WSCD1: variants seen among roughly 807,000 people sequenced by gnomAD.
WSCD1 encodes the protein sialate:O-sulfotransferase 1.
Under a neutral mutation model 60.4 loss-of-function variants are expected in WSCD1, and 41 were observed. That is an observed-to-expected ratio of 0.68 (90% CI 0.53 to 0.88). The LOEUF (loss-of-function observed/expected upper bound fraction) is 0.88, where lower values mean the gene tolerates loss of function less well. Ranked by LOEUF, WSCD1 falls within the 40% of genes least tolerant of loss-of-function variation. The pLI is 0.00. For synonymous variants in WSCD1, 361 were observed against 332.5 expected (o/e 1.09, Z -0.93); for missense variants, 784 against 796.2 (o/e 0.98, Z 0.18).
intron 4 of WSCD1, among the ~76,000 whole-genome samples, chr17:6,092,449 G>A (rs1447789499): frequency 1.3e-5 from 2 of 152,232 alleles, no homozygotes; most frequent in Middle Eastern, 3.4e-3. Flanking sequence ...CGGAGAAACT[G>A]ACCACACATC....
chr17:6,098,452 G>T (rs1463621529), intron 5 of WSCD1, among the ~76,000 whole-genome samples: 1 of 152,200 alleles, frequency 6.6e-6, no homozygotes, highest in Non-Finnish European at 1.5e-5. Context: ...TCACACATTA[G>T]CACCTTGTCC....
chr17:6,098,413 T>C (rs1251520925), intron 5 of WSCD1, among the ~76,000 whole-genome samples: 1 of 152,270 alleles, frequency 6.6e-6, no homozygotes, highest in Non-Finnish European at 1.5e-5. Context: ...TGCCAGAAGA[T>C]ACACGCAGGC....
At chr17:6,097,108 G>T (rs552339157) in intron 5 of WSCD1, among the ~76,000 whole-genome samples, 1 of 152,348 alleles carries the variant, frequency 6.6e-6, no homozygotes, top group East Asian at 1.9e-4. Context: ...CCACACACTG[G>T]CACAGAGCGG....
chr17:6,111,322 TC>T (rs1371213707), intron 7 of WSCD1, among the ~76,000 whole-genome samples: 2 of 152,086 alleles, frequency 1.3e-5, no homozygotes, highest in Non-Finnish European at 2.9e-5. Flanking sequence ...AAAAGTCTTT[TC>T]CTATGAAAGC....
chr17:6,102,694 T>G (rs1413273047), intron 5 of WSCD1, among the ~76,000 whole-genome samples: 3 of 152,242 alleles, frequency 2.0e-5, no homozygotes, highest in Non-Finnish European at 4.4e-5. Context: ...AAACATTGAC[T>G]CATTCCTTCT....
rs112117943 is a variant in WSCD1 at position 6,090,798 on chromosome 17, C to T, written c.727+293C>T. On this transcript the variant is annotated intron_variant, in intron 4 of 8. Transcript: ENST00000317744. ...TGCCTCAGACATGCTGTGTGGCCTCCGGCAGCTCACTGCCCCTCTCTGAGC... is the reference window on the plus strand; with the variant it reads ...TGCCTCAGACATGCTGTGTGGCCTCTGGCAGCTCACTGCCCCTCTCTGAGC... Among the ~76,000 whole-genome samples the T allele has an allele frequency of 3.4e-3, 519 of 152,214 alleles. 5 individuals carry two copies. The highest frequency in any genetic ancestry group is 0.011 in the African/African-American group (461 of 41,528).
At chr17:6,100,033 G>A (rs888889608) in intron 5 of WSCD1, among the ~76,000 whole-genome samples, 2 of 152,196 alleles carry the variant, frequency 1.3e-5, no homozygotes, top group African/African-American at 2.4e-5. Flanking sequence ...CAGTGGGTGG[G>A]AGGGGCTGGT....
upstream of WSCD1, chr17:6,069,415 GTGTGTGTGTGTGTGAGAGAGA>G (rs1230617997): frequency 1.5e-5 from 5 of 326,846 alleles, no homozygotes; most frequent in African/African-American, 1.6e-4. Flanking sequence ...GTGTGTGTGT[GTGTGTGTGTGTGTGAGAGAGA>G]GAGAGAGAGA....
chr17:6,117,915 ATCTG>A (rs1904390719), intron 7 of WSCD1, 69 bp from the exon 8 acceptor site: 16 of 1,510,204 alleles, frequency 1.1e-5, no homozygotes, highest in Non-Finnish European at 1.4e-5. Flanking sequence ...GCTTTACCCA[ATCTG>A]TCTGCTGCTA....
At chr17:6,097,466 C>T (rs749513134) in intron 5 of WSCD1, among the ~76,000 whole-genome samples, 2 of 152,240 alleles carry the variant, frequency 1.3e-5, no homozygotes, top group Admixed American at 6.5e-5. Flanking sequence ...GCCCCGCAGC[C>T]GGGCAGGAGC....
Position 6,075,510 on chromosome 17 carries a change from C to A in WSCD1, c.-289+4858C>A, listed in dbSNP as rs1289692799. On this transcript the variant is annotated intron_variant, in intron 1 of 8. Coordinates refer to ENST00000317744, the MANE Select transcript of WSCD1 (RefSeq NM_015253.2). The surrounding 1 kb of genome is among the most constrained non-coding windows in gnomAD (Gnocchi z 4.1). Reference sequence around the variant, plus strand: ...TCAGGCTGGGCAGTTGCTGCTCCCTCGGTCCCAGATGGCAACAAAGTAATA... The same window carrying A: ...TCAGGCTGGGCAGTTGCTGCTCCCTAGGTCCCAGATGGCAACAAAGTAATA... Among the ~76,000 whole-genome samples the A allele has an allele frequency of 2.0e-5, 3 of 152,156 alleles. No homozygotes were observed. The highest frequency in any genetic ancestry group is 7.2e-5 in the African/African-American group (3 of 41,422).
At chr17:6,120,276 C>T (rs758272564) in intron 8 of WSCD1, 33 bp from the exon 9 acceptor site, 8 of 1,593,822 alleles carry the variant, frequency 5.0e-6, no homozygotes, top group Non-Finnish European at 6.9e-6. Context: ...AGGGCCAGCC[C>T]CCGACTCTGC....
At position 6,123,381 on chromosome 17, in the gene WSCD1, A is replaced by G. The variant is rs1597374872; in HGVS notation, c.*2720A>G. 3.3e-5 allele frequency: 5 copies of G among 152,364 alleles called. No individual in the cohort carries two copies. In the South Asian group the frequency reaches 1.0e-3, roughly 32 times the overall value. The allele number at this position is 152,364 out of a possible 1,614,324, so 9.4% of individuals were successfully genotyped here. ...TTAAAAAACTAAAACACATCCTGGTAGTCCCAGTGATGTGTAAATGAGAGA... is the reference window on the plus strand; with the variant it reads ...TTAAAAAACTAAAACACATCCTGGTGGTCCCAGTGATGTGTAAATGAGAGA... On this transcript the variant is annotated 3_prime_UTR_variant, in exon 9 of 9. Coordinates refer to ENST00000317744, the MANE Select transcript of WSCD1 (RefSeq NM_015253.2).
At chr17:6,082,472 A>G (rs1397847078) in intron 2 of WSCD1, among the ~76,000 whole-genome samples, 1 of 152,234 alleles carries the variant, frequency 6.6e-6, no homozygotes, top group Non-Finnish European at 1.5e-5. Context: ...AGGGTCTACC[A>G]TCGTCACACT....
chr17:6,106,979 G>A (rs763248246), intron 5 of WSCD1, among the ~76,000 whole-genome samples: 43 of 152,306 alleles, frequency 2.8e-4, no homozygotes, highest in East Asian at 5.8e-4. Flanking sequence ...CTATGAGAGC[G>A]TGCCACAGAC....
rs1299878144 is a variant in WSCD1, at chr17:6,090,350, G to C, written c.572G>C (p.Gly191Ala). Residue 191 changes from glycine to alanine, a missense_variant, in exon 4 of 9, where the codon GGG becomes GCG. Physicochemically the swap from Gly to Ala is moderately conservative, Grantham distance 60. Coordinates refer to ENST00000317744, the MANE Select transcript of WSCD1 (RefSeq NM_015253.2). The part of the protein sequence containing the change: ...RSYVYAGLEA[G>A]AECYCGNRLP... ...TATGTCTACGCCGGCTTGGAGGCCG[G>C]GGCGGAGTGTTACTGCGGGAACCGG... 6.2e-7 allele frequency: 1 copy of C among 1,607,086 alleles called. No homozygotes were observed. The highest frequency in any genetic ancestry group is 1.1e-5 in the South Asian group (1 of 90,054).
intron 2 of WSCD1, among the ~76,000 whole-genome samples, chr17:6,087,401 A>G (rs889485231): frequency 6.6e-6 from 1 of 152,200 alleles, no homozygotes; most frequent in Non-Finnish European, 1.5e-5. Flanking sequence ...CACACAGGAC[A>G]CTTGCTCCCA....
chr17:6,096,735 G>A (rs948209401), intron 5 of WSCD1, among the ~76,000 whole-genome samples: 18 of 152,166 alleles, frequency 1.2e-4, no homozygotes, highest in African/African-American at 4.1e-4. Flanking sequence ...CTCAGCTGCC[G>A]GCCCTGCTGG....
At chr17:6,104,067 G>A (rs1597366002) in intron 5 of WSCD1, among the ~76,000 whole-genome samples, 4 of 152,252 alleles carry the variant, frequency 2.6e-5, no homozygotes, top group Admixed American at 2.6e-4. Context: ...CTTCCGGTGA[G>A]GCCTCAGGAA....
Sources: gnomAD v4.1 joint callset for allele counts (sites outside exome capture counted in the v4.1 genomes callset) on GRCh38, gnomAD v4.1.1 for gene constraint, Gnocchi (gnomAD v3.1) non-coding constraint, MANE v1.5 for transcripts, NCBI Gene and HGNC (gene_info 2026-07-23, HGNC 2026-07-21) for gene names.